The following PLPPR1 variants were observed in gnomAD, a reference collection of about 807,000 sequenced individuals.
PLPPR1 encodes phospholipid phosphatase-related protein type 1.
In PLPPR1, 10 loss-of-function variants were observed where a neutral mutation model predicts 33.1. The observed-to-expected ratio is 0.30, with a 90% confidence interval of 0.19 to 0.51. The LOEUF (loss-of-function observed/expected upper bound fraction) is 0.51, where lower values mean the gene tolerates loss of function less well. PLPPR1 is among the 20% of genes least tolerant of loss of function. PLPPR1 has a pLI of 0.97. For synonymous variants in PLPPR1, 151 were observed against 151.0 expected, an observed-to-expected ratio of 1.00 and a Z score of 0.00; for missense variants, 304 against 408.1, an observed-to-expected ratio of 0.74 and a Z score of 2.20.
chr9:101,173,375 G>A (rs973868548), intron 1 of PLPPR1, among the ~76,000 whole-genome samples: 2 of 152,010 alleles, frequency 1.3e-5, no homozygotes, highest in Non-Finnish European at 2.9e-5. Flanking sequence ...GCATATTTTT[G>A]ATGCCTTTAA....
chr9:101,083,989 A>G (rs1564140117), intron 1 of PLPPR1, among the ~76,000 whole-genome samples: 1 of 152,178 alleles, frequency 6.6e-6, no homozygotes, highest in Non-Finnish European at 1.5e-5. Flanking sequence ...GGAGCATAGA[A>G]GATAAATTGT....
chr9:101,125,094 A>C (rs1472015577), intron 1 of PLPPR1, among the ~76,000 whole-genome samples: 1 of 152,146 alleles, frequency 6.6e-6, no homozygotes, highest in East Asian at 1.9e-4. Context: ...AGTCTTTGCT[A>C]GTCTCTACTT....
At chr9:101,100,430 A>G (rs983347741) in intron 1 of PLPPR1, among the ~76,000 whole-genome samples, 3 of 152,074 alleles carry the variant, frequency 2.0e-5, no homozygotes, top group African/African-American at 7.2e-5. Flanking sequence ...TGTGAAAAAA[A>G]CCTAAGACTG....
Position 101,291,632 on chromosome 9 carries a change from C to T in PLPPR1, c.385+5396C>T, listed in dbSNP as rs149290546. On this transcript the variant is annotated intron_variant, in intron 4 of 7. Transcript: ENST00000374874. ...ATCAGACAGCAGCATTCGCAGTTTA[C>T]GAAAATCCGCTGTTCTGCAGCCACT... Among the ~76,000 whole-genome samples the T allele has an allele frequency of 4.3e-3, 655 of 152,310 alleles. 3 individuals are homozygous for T. The highest frequency in any genetic ancestry group is 0.015 in the African/African-American group (631 of 41,572).
intron 1 of PLPPR1, among the ~76,000 whole-genome samples, chr9:101,062,547 A>G (rs1028367129): frequency 6.6e-6 from 1 of 152,074 alleles, no homozygotes; most frequent in Non-Finnish European, 1.5e-5. Context: ...CACATATTTT[A>G]GTCTGTATTA....
At chr9:101,240,702 A>G (rs73503561) in intron 2 of PLPPR1, among the ~76,000 whole-genome samples, 92 of 152,188 alleles carry the variant, frequency 6.0e-4, no homozygotes, top group African/African-American at 2.1e-3. Flanking sequence ...TTAAGCAAGC[A>G]GTGTCAGACG....
At position 101,054,304 on chromosome 9, in the gene PLPPR1, T is replaced by C. The variant is rs111416548; in HGVS notation, c.-46+25202T>C. Among the ~76,000 whole-genome samples the C allele has an allele frequency of 1.2e-3, 182 of 152,348 alleles. 1 individual carries two copies. Among genetic ancestry groups the C allele is most frequent in the African/African-American group, 4.1e-3 (172 of 41,592 alleles). ...TTGAACTATAATTTCCTCATGAAAC[T>C]TAATACCCCAAGTAGCCTGAATTCT... On this transcript the variant is annotated intron_variant, in intron 1 of 7. Coordinates refer to ENST00000374874, the MANE Select transcript of PLPPR1 (RefSeq NM_207299.2).
At chr9:101,291,803 T>C (rs1828514859) in intron 4 of PLPPR1, among the ~76,000 whole-genome samples, 1 of 151,834 alleles carries the variant, frequency 6.6e-6, no homozygotes, top group Admixed American at 6.6e-5. Context: ...ATCACCATCA[T>C]CAAAGACCAA....
chr9:101,101,791 G>A (rs1830904234), intron 1 of PLPPR1, among the ~76,000 whole-genome samples: 1 of 152,004 alleles, frequency 6.6e-6, no homozygotes, highest in Admixed American at 6.6e-5. Flanking sequence ...AAGAACTGTG[G>A]TATTTCTTGA....
At chr9:101,298,827 A>G (rs1217164188) in intron 4 of PLPPR1, among the ~76,000 whole-genome samples, 2 of 152,234 alleles carry the variant, frequency 1.3e-5, no homozygotes, top group African/African-American at 4.8e-5. Flanking sequence ...GTACAGAGAA[A>G]AATAGGGAAA....
intron 1 of PLPPR1, among the ~76,000 whole-genome samples, chr9:101,043,087 G>A (rs1320282775): frequency 6.6e-6 from 1 of 151,974 alleles, no homozygotes; most frequent in Non-Finnish European, 1.5e-5. Context: ...AGTCCCCAAA[G>A]TCCATTGTAT....
At chr9:101,213,153 T>C (rs956352936) in intron 2 of PLPPR1, among the ~76,000 whole-genome samples, 4 of 152,174 alleles carry the variant, frequency 2.6e-5, no homozygotes, top group African/African-American at 9.6e-5. Flanking sequence ...TTTATTCCTA[T>C]CTAATAGTCT....
At chr9:101,110,423 A>G (rs1216927386) in intron 1 of PLPPR1, among the ~76,000 whole-genome samples, 2 of 152,202 alleles carry the variant, frequency 1.3e-5, no homozygotes, top group Non-Finnish European at 2.9e-5. Flanking sequence ...ATTAAAAGGC[A>G]TCTATCCATT....
intron 2 of PLPPR1, among the ~76,000 whole-genome samples, chr9:101,232,418 A>G (rs532181873): frequency 1.3e-5 from 2 of 151,306 alleles, no homozygotes; most frequent in African/African-American, 4.9e-5. Flanking sequence ...TTGCTCCTAA[A>G]TTGTTCTGTT....
intron 1 of PLPPR1, among the ~76,000 whole-genome samples, chr9:101,065,748 CTAT>C (rs1830404625): frequency 6.6e-6 from 1 of 152,012 alleles, no homozygotes; most frequent in East Asian, 1.9e-4. Context: ...ATTATTTTTA[CTAT>C]GAGACTTTAT....
chr9:101,229,608 G>C (rs1827142056), intron 2 of PLPPR1, among the ~76,000 whole-genome samples: 1 of 151,886 alleles, frequency 6.6e-6, no homozygotes, highest in Admixed American at 6.6e-5. Context: ...TAATAAAAAA[G>C]GGCATTTAAA....
intron 1 of PLPPR1, among the ~76,000 whole-genome samples, chr9:101,163,124 T>C (rs1457732453): frequency 6.6e-6 from 1 of 152,234 alleles, no homozygotes; most frequent in East Asian, 1.9e-4. Context: ...AATGATCTTT[T>C]TATCTGTGTG....
intron 1 of PLPPR1, among the ~76,000 whole-genome samples, chr9:101,133,089 AAC>A (rs1428287058): frequency 7.2e-5 from 11 of 152,194 alleles, no homozygotes; most frequent in Non-Finnish European, 1.3e-4. Context: ...AAGCTTGAGT[AAC>A]AGTCTTAGGA....
intron 1 of PLPPR1, among the ~76,000 whole-genome samples, chr9:101,102,093 CTTTTT>C (rs397937393): frequency 2.8e-5 from 2 of 71,902 alleles, no homozygotes; most frequent in Non-Finnish European, 2.6e-5. Context: ...GTAGGAACAA[CTTTTT>C]TTTTTTTTTT....
Sources: gnomAD v4.1 joint callset for allele counts (sites outside exome capture counted in the v4.1 genomes callset) on GRCh38, gnomAD v4.1.1 for gene constraint, MANE v1.5 for transcripts, NCBI Gene and HGNC (gene_info 2026-07-23, HGNC 2026-07-21) for gene names.